Variants in ELFN1 observed in about 807,000 individuals in gnomAD.
The protein encoded by ELFN1 is extracellular leucine rich repeat and fibronectin type III domain containing 1.
A neutral mutation model predicts 7.6 loss-of-function variants in ELFN1; 6 were observed. The observed-to-expected ratio is 0.79, with a 90% CI of 0.43 to 1.56. The LOEUF (loss-of-function observed/expected upper bound fraction) is 1.56, where lower values mean the gene tolerates loss of function less well. ELFN1 is among the 40% of genes most tolerant of loss of function. The pLI is 0.01. For missense variants in ELFN1, 1,169 were observed against 1,232.2 expected, an observed-to-expected ratio of 0.95 and a Z score of 0.77; for synonymous variants, 657 against 588.1, an observed-to-expected ratio of 1.12 and a Z score of -1.70.
chr7:1,671,556 C>T (rs1778767650), intron 1 of ELFN1, among the ~76,000 whole-genome samples: 1 of 152,232 alleles, frequency 6.6e-6, no homozygotes, highest in Non-Finnish European at 1.5e-5. Context: ...GGCAAATCTC[C>T]CCATATTGCC....
chr7:1,740,272 C>T lies in ELFN1; in HGVS notation c.-293-4032C>T, dbSNP rs1780570813. Among the ~76,000 whole-genome samples, 1 of 152,194 alleles carries T rather than the reference C, an allele frequency of 6.6e-6. No homozygotes were observed. The highest frequency in any genetic ancestry group is 1.5e-5 in the Non-Finnish European group (1 of 68,024). ...GGGGAGCCGCCCTCCTGAGGGATGC[C>T]TATTGCCCTCCCTGGGGCCTTGTGG... On this transcript the variant is annotated intron_variant, in intron 3 of 3. Transcript: ENST00000424383. The surrounding 1 kb of genome is among the most constrained non-coding windows in gnomAD (Gnocchi z 5.0).
In ELFN1 at chr7:1,746,519, G is replaced by A. The variant is rs1433024576; in HGVS notation, c.1923G>A (p.Ser641=). 148 of 1,463,680 alleles carry A rather than the reference G, an allele frequency of 1.0e-4. No individual in the cohort carries two copies. Among genetic ancestry groups the A allele is most frequent in the African/African-American group, 3.0e-5 (2 of 67,652 alleles). 90.7% of individuals were successfully genotyped at this position (1,463,680 alleles called of 1,614,324 possible). A position where few individuals can be genotyped will look rare whatever the true frequency, so the allele number is the denominator to read the frequency against. The change falls in exon 4 of 4, where the codon TCG becomes TCA. Residue 641 remains serine, a synonymous_variant. Transcript: ENST00000424383. ...EAAGPPRAST[S]SSGSVRSPRA... ...CCGGGCCCCCTCGTGCCAGCACCTC[G>A]TCCAGCGGCTCCGTGCGCAGCCCCC...
intron 2 of ELFN1, among the ~76,000 whole-genome samples, chr7:1,691,233 A>G (rs992768804): frequency 2.5e-4 from 38 of 152,188 alleles, no homozygotes; most frequent in Admixed American, 2.2e-3. Context: ...ACCAGGAGCC[A>G]GGGGCCTCCG....
At chr7:1,692,268 C>G (rs1324326600) in intron 2 of ELFN1, 2 of 152,432 alleles carry the variant, frequency 1.3e-5, no homozygotes. Context: ...CCTGCCAAGG[C>G]CGGATTGCCA....
rs1343897891 is a variant in ELFN1, at chr7:1,746,994, C to T, written c.2398C>T (p.Leu800=). 6.4e-7 allele frequency: 1 copy of T among 1,565,690 alleles called. No homozygotes were observed. The highest frequency in any genetic ancestry group is 8.6e-7 in the Non-Finnish European group (1 of 1,156,176). The change falls in exon 4 of 4, where the codon CTG becomes TTG. Residue 800 remains leucine, a synonymous_variant. Transcript: ENST00000424383. ...GGAGTTCATGGCCGCGGGCCATGCC[C>T]TGCGCAAGAAGGTTCAGTTCGCCAA... ...EEEFMAAGHA[L]RKKVQFAKDE...
intron 2 of ELFN1, among the ~76,000 whole-genome samples, chr7:1,698,471 C>T (rs879598413): frequency 1.6e-4 from 25 of 152,030 alleles, no homozygotes; most frequent in Non-Finnish European, 3.5e-4. Flanking sequence ...TTGGCAGCCG[C>T]AATGAAATTT....
intron 3 of ELFN1, among the ~76,000 whole-genome samples, chr7:1,719,036 T>C (rs4997844): frequency 0.31 from 47,346 of 151,796 alleles, 8,230 homozygotes; most frequent in African/African-American, 0.47. Flanking sequence ...GGGGCCTGAG[T>C]GCCTGAATCA....
In ELFN1 at chr7:1,745,538, G is replaced by A. The variant is rs1457997648; in HGVS notation, c.942G>A (p.Glu314=). 8 of 1,548,150 alleles carry A rather than the reference G, an allele frequency of 5.2e-6. No homozygotes were observed. Among genetic ancestry groups the A allele is most frequent in the Non-Finnish European group, 6.1e-6 (7 of 1,146,908 alleles). ...VALPTLATQA[E]ARPLIKVKQL... is the part of the protein sequence containing the mutation. The stretch of plus-strand genomic sequence containing the variant: ...TGCCCACGCTGGCCACGCAGGCCGA[G>A]GCCCGCCCCCTCATCAAGGTCAAGC... Residue 314 remains glutamate (E), a synonymous_variant, in exon 4 of 4, where the codon GAG becomes GAA. Transcript: ENST00000424383.
intron 2 of ELFN1, among the ~76,000 whole-genome samples, chr7:1,699,091 A>G (rs960099672): frequency 2.0e-5 from 3 of 152,230 alleles, no homozygotes; most frequent in Admixed American, 6.5e-5. Context: ...TGCGAAATTC[A>G]TTCATCCTTG....
chr7:1,694,137 A>G (rs1779246196), intron 2 of ELFN1: 2 of 247,434 alleles, frequency 8.1e-6, no homozygotes, highest in African/African-American at 4.4e-5. Context: ...TTCCCCAGCC[A>G]GCCCCGGCAG....
chr7:1,744,834 C>A lies in ELFN1; in HGVS notation c.238C>A (p.Leu80Ile), dbSNP rs1408198721. Residue 80 changes from leucine (L) to isoleucine (I), a missense_variant, in exon 4 of 4, where the codon CTC becomes ATC. Around this residue, in one of 2 missense-constraint regions of ELFN1, gnomAD observed 255 missense variants for 359.6 expected, o/e 0.71. Coordinates refer to ENST00000424383, the MANE Select transcript of ELFN1 (RefSeq NM_001128636.4). The part of the protein sequence containing the change: ...NRIRSVQYAS[L>I]SRFGNLTYLN... Reference sequence around the variant, plus strand: ...TATCCGCAGCGTGCAGTACGCCTCGCTCAGCCGCTTTGGCAACCTCACGTA... The same window carrying A: ...TATCCGCAGCGTGCAGTACGCCTCGATCAGCCGCTTTGGCAACCTCACGTA... 3 of 1,572,554 alleles carry A rather than the reference C, an allele frequency of 1.9e-6. No homozygotes were observed. The highest frequency in any genetic ancestry group is 2.6e-6 in the Non-Finnish European group (3 of 1,158,158).
chr7:1,717,927 G>C (rs558215270), intron 3 of ELFN1, among the ~76,000 whole-genome samples: 19 of 152,290 alleles, frequency 1.2e-4, no homozygotes, highest in African/African-American at 4.6e-4. Flanking sequence ...GCTCCTCTGA[G>C]CGAGAAGCCT....
chr7:1,687,778 T>C (rs1005815524), intron 1 of ELFN1, among the ~76,000 whole-genome samples: 13 of 152,210 alleles, frequency 8.5e-5, no homozygotes, highest in African/African-American at 2.9e-4. Context: ...GTCAGTCCTT[T>C]TAAATTTTAG....
chr7:1,687,712 A>G (rs1779084303), intron 1 of ELFN1, among the ~76,000 whole-genome samples: 1 of 152,222 alleles, frequency 6.6e-6, no homozygotes, highest in South Asian at 2.1e-4. Flanking sequence ...TAATTCTGGA[A>G]GAATTAAAGG....
chr7:1,679,631 G>A (rs542206067), intron 1 of ELFN1, among the ~76,000 whole-genome samples: 2 of 152,328 alleles, frequency 1.3e-5, no homozygotes, highest in South Asian at 2.1e-4. Flanking sequence ...CCTCATGTTC[G>A]CACCTGTGCA....
rs377738989 is a variant in ELFN1, at chr7:1,740,538, CTT to C, written c.-293-3765_-293-3764del. On this transcript the variant is annotated intron_variant, in intron 3 of 3. Coordinates refer to ENST00000424383, the MANE Select transcript of ELFN1 (RefSeq NM_001128636.4). This position sits in a 1 kb window ranked among gnomAD's most constrained non-coding sequence, Gnocchi z 5.0. ...CAGGCTGGCGGGGCATCGAGAGTGA[CTT>C]GAGTGAGCGAGCCCAGCTGGAAAGG... is the stretch of plus-strand genomic sequence containing the variant. Among the ~76,000 whole-genome samples the C allele has an allele frequency of 5.3e-5, 8 of 152,294 alleles. No homozygotes were observed. The South Asian group carries it at 8.3e-4, about 16-fold the overall frequency.
chr7:1,674,877 A>G (rs559915639), intron 1 of ELFN1, among the ~76,000 whole-genome samples: 1 of 152,264 alleles, frequency 6.6e-6, no homozygotes, highest in Admixed American at 6.5e-5. Context: ...CAGCCCAGCC[A>G]TCACCAGGTC....
chr7:1,677,341 G>T (rs1432118950), intron 1 of ELFN1, among the ~76,000 whole-genome samples: 1 of 152,180 alleles, frequency 6.6e-6, no homozygotes, highest in East Asian at 1.9e-4. Flanking sequence ...GGGGCTCAGG[G>T]CCCATTCCTC....
chr7:1,706,631 C>G (rs555506174), intron 2 of ELFN1, among the ~76,000 whole-genome samples: 2 of 152,284 alleles, frequency 1.3e-5, no homozygotes, highest in Admixed American at 1.3e-4. Context: ...AATGCCTGAT[C>G]GATGCTGGCT....
Sources: allele counts gnomAD v4.1 joint callset (sites outside exome capture counted in the v4.1 genomes callset), GRCh38; gene constraint gnomAD v4.1.1; regional missense constraint gnomAD v4.1.1; non-coding constraint Gnocchi (gnomAD v3.1); transcripts MANE v1.5; gene names NCBI Gene and HGNC (gene_info 2026-07-23, HGNC 2026-07-21).